Variants in NPSR1 observed in about 807,000 individuals in gnomAD.
NPSR1 encodes neuropeptide S receptor.
NPSR1 carries 48 observed loss-of-function variants against 46.9 expected under a neutral mutation model. The observed-to-expected ratio is 1.02, with a 90% CI of 0.81 to 1.30. The LOEUF (loss-of-function observed/expected upper bound fraction) is 1.30. Ranked by LOEUF, NPSR1 falls within the 50% of genes most tolerant of loss-of-function variation. The pLI is 0.00. For synonymous variants in NPSR1, 176 were observed against 168.1 expected (o/e 1.05, Z -0.36); for missense variants, 450 against 449.5 (o/e 1.00, Z -0.01).
chr7:34,823,402 A>AAAGAAAAAAAAAAAC (rs1562756154), intron 4 of NPSR1, among the ~76,000 whole-genome samples: 2 of 144,398 alleles, frequency 1.4e-5, no homozygotes, highest in African/African-American at 5.5e-5. Context: ...TTCACCAGAA[A>AAAGAAAAAAAAAAAC]AAAAAAAAAA....
At chr7:34,750,102 C>T (rs1490002230) in intron 2 of NPSR1, among the ~76,000 whole-genome samples, 4 of 150,238 alleles carry the variant, frequency 2.7e-5, no homozygotes, top group Non-Finnish European at 5.9e-5. Context: ...AAGAGAAAGG[C>T]CTTGCATTTT....
intron 2 of NPSR1, among the ~76,000 whole-genome samples, chr7:34,725,614 G>A (rs949446452): frequency 1.3e-5 from 2 of 152,176 alleles, no homozygotes; most frequent in African/African-American, 4.8e-5. Context: ...CCCAGAATGT[G>A]GGCAAAATCT....
chr7:34,822,175 G>GA (rs1278095801), intron 4 of NPSR1, among the ~76,000 whole-genome samples: 1 of 152,176 alleles, frequency 6.6e-6, no homozygotes, highest in Non-Finnish European at 1.5e-5. Context: ...AACGCGACAC[G>GA]AGAGGTTCCA....
At chr7:34,853,974 AAAAAAC>A (rs920517225), downstream of NPSR1, among the ~76,000 whole-genome samples, 8 of 151,588 alleles carry the variant, frequency 5.3e-5, no homozygotes, top group African/African-American at 1.5e-4. Context: ...CTGGAAAAAA[AAAAAAC>A]AAAAAACAAA....
At chr7:34,859,015 G>T (rs13310909) in intron 8 of NPSR1, among the ~76,000 whole-genome samples, 4 of 151,688 alleles carry the variant, frequency 2.6e-5, no homozygotes, top group Non-Finnish European at 5.9e-5. Flanking sequence ...TTTGCTCTAG[G>T]TGGCAGGTTC....
At chr7:34,665,460 G>A (rs560234215) in intron 1 of NPSR1, among the ~76,000 whole-genome samples, 1 of 152,282 alleles carries the variant, frequency 6.6e-6, no homozygotes, top group South Asian at 2.1e-4. Flanking sequence ...CTTACCTTCT[G>A]GCAGATAAAA....
intron 2 of NPSR1, among the ~76,000 whole-genome samples, chr7:34,770,543 A>C (rs1021976018): frequency 6.6e-6 from 1 of 152,180 alleles, no homozygotes; most frequent in African/African-American, 2.4e-5. Flanking sequence ...TGGTCAAGGA[A>C]AGCTTCTGGA....
chr7:34,786,308 T>A (rs1361506854), intron 3 of NPSR1, among the ~76,000 whole-genome samples: 1 of 152,134 alleles, frequency 6.6e-6, no homozygotes, highest in Non-Finnish European at 1.5e-5. Flanking sequence ...CAATTCCTCA[T>A]CCATTCTAGT....
At chr7:34,771,373 GA>G (rs1458999192) in intron 2 of NPSR1, among the ~76,000 whole-genome samples, 1 of 152,148 alleles carries the variant, frequency 6.6e-6, no homozygotes, top group Non-Finnish European at 1.5e-5. Flanking sequence ...CTGGGAAGTT[GA>G]GGCTGCAATA....
At chr7:34,860,649 G>A (rs540403132) in intron 8 of NPSR1, among the ~76,000 whole-genome samples, 16 of 151,730 alleles carry the variant, frequency 1.1e-4, no homozygotes, top group Middle Eastern at 6.8e-3. Context: ...ACAAATATGT[G>A]GTCAGAAAAA....
intron 1 of NPSR1, among the ~76,000 whole-genome samples, chr7:34,683,034 G>A (rs1273495138): frequency 6.6e-6 from 1 of 152,202 alleles, no homozygotes; most frequent in African/African-American, 2.4e-5. Flanking sequence ...CCACAGTTCT[G>A]CAGTTCCAAG....
intron 2 of NPSR1, chr7:34,750,160 A>C: frequency 3.1e-6 from 1 of 323,952 alleles, no homozygotes; most frequent in Non-Finnish European, 5.7e-6. Context: ...GGAGACAGGC[A>C]AATATTCTAC....
At chr7:34,744,758 T>A (rs564107568) in intron 2 of NPSR1, among the ~76,000 whole-genome samples, 1 of 152,344 alleles carries the variant, frequency 6.6e-6, no homozygotes, top group South Asian at 2.1e-4. Context: ...TGACATTGTT[T>A]GACAAGGGTA....
At chr7:34,678,451 C>T (rs997869459) in intron 1 of NPSR1, among the ~76,000 whole-genome samples, 8 of 152,104 alleles carry the variant, frequency 5.3e-5, no homozygotes, top group Admixed American at 2.0e-4. Flanking sequence ...TGAAACAGAT[C>T]CCCTAAAAGA....
chr7:34,790,852 A>G (rs1397943104), intron 3 of NPSR1, among the ~76,000 whole-genome samples: 10 of 133,928 alleles, frequency 7.5e-5, no homozygotes, highest in Middle Eastern at 0.012. Flanking sequence ...TATATGTTAT[A>G]TGTTATGTTA....
intron 2 of NPSR1, among the ~76,000 whole-genome samples, chr7:34,739,321 T>G (rs1784826389): frequency 6.6e-6 from 1 of 152,256 alleles, no homozygotes; most frequent in Non-Finnish European, 1.5e-5. Context: ...ACAAAATTGT[T>G]TTCTACAATG....
intron 2 of NPSR1, chr7:34,710,900 T>C: frequency 2.5e-6 from 1 of 406,390 alleles, no homozygotes; most frequent in Non-Finnish European, 4.7e-6. Context: ...AGTTGGAAGC[T>C]TATTGATGAA....
chr7:34,752,186 A>G lies in NPSR1; in HGVS notation c.281-26276A>G, dbSNP rs192901517. The G allele has an allele frequency of 1.6e-5, 5 of 316,500 alleles. No homozygotes were observed. In the Admixed American group the frequency reaches 1.7e-4, roughly 10 times the overall value. 19.6% of individuals were successfully genotyped at this position (316,500 alleles called of 1,614,324 possible). A position where few individuals can be genotyped will look rare whatever the true frequency, so the allele number is the denominator to read the frequency against. On this transcript the variant is annotated intron_variant, in intron 2 of 8. Transcript: ENST00000360581. ...CTACGTGTAAGGTATGCATTCATCTAAAGATGTAAATGGTTAACTTCTTTT... is the reference window on the plus strand; with the variant it reads ...CTACGTGTAAGGTATGCATTCATCTGAAGATGTAAATGGTTAACTTCTTTT...
intron 1 of NPSR1, among the ~76,000 whole-genome samples, chr7:34,669,246 C>T (rs1279751379): frequency 6.6e-6 from 1 of 152,114 alleles, no homozygotes; most frequent in Non-Finnish European, 1.5e-5. Context: ...GATGCATTCA[C>T]CATTTAACTC....
Sources: gnomAD v4.1 joint callset for allele counts (sites outside exome capture counted in the v4.1 genomes callset) on GRCh38, gnomAD v4.1.1 for gene constraint, MANE v1.5 for transcripts, NCBI Gene and HGNC (gene_info 2026-07-23, HGNC 2026-07-21) for gene names.